Variants in SETD7 observed in about 807,000 individuals in gnomAD.
The protein encoded by SETD7 is SET domain containing 7, histone lysine methyltransferase, also known as histone-lysine N-methyltransferase SETD7.
In SETD7, 16 loss-of-function variants were observed where a neutral mutation model predicts 41.8. That is an observed-to-expected ratio of 0.38 (90% CI 0.26 to 0.58). The LOEUF (loss-of-function observed/expected upper bound fraction) is 0.58, where lower values mean the gene tolerates loss of function less well. Ranked by LOEUF, SETD7 falls within the 20% of genes least tolerant of loss-of-function variation. The probability of loss-of-function intolerance (pLI) is 0.64; values close to 1 mark genes in which losing one functional copy is unlikely to be tolerated. For synonymous variants in SETD7, 163 were observed against 169.7 expected (o/e 0.96, Z 0.31); for missense variants, 346 against 459.7 (o/e 0.75, Z 2.26).
chr4:139,511,506 T>G lies in SETD7; in HGVS notation c.*157A>C, dbSNP rs992364353. 1 of 1,396,478 alleles carries G rather than the reference T, an allele frequency of 7.2e-7. No individual in the cohort carries two copies. 86.5% of individuals were successfully genotyped at this position (1,396,478 alleles called of 1,614,324 possible). On this transcript the variant is annotated 3_prime_UTR_variant, in exon 8 of 8. Coordinates refer to ENST00000274031, the MANE Select transcript of SETD7 (RefSeq NM_030648.4). ...TTTAAATCTGGTATGAGTAATACAG[T>G]CAAACCTAGTTAGTATGCGAGAAAG... is the stretch of plus-strand genomic sequence containing the variant.
chr4:139,540,733 T>G lies in SETD7; in HGVS notation c.170+6187A>C, dbSNP rs181209758. Among the ~76,000 whole-genome samples, 6 of 152,344 alleles carry G rather than the reference T, an allele frequency of 3.9e-5. No homozygotes were observed. The East Asian group carries it at 1.2e-3, about 29-fold the overall frequency. On this transcript the variant is annotated intron_variant, in intron 2 of 7. Transcript: ENST00000274031. ...AAAAATTTTTGGCCTCAATCAGAAC[T>G]GTTTGTTGGAATACAGATGAATATA...
chr4:139,495,436 G>A (rs1726435890), downstream of SETD7, among the ~76,000 whole-genome samples: 1 of 152,204 alleles, frequency 6.6e-6, no homozygotes, highest in Non-Finnish European at 1.5e-5. Context: ...TACTACCGGA[G>A]GCTGGGTAAT....
chr4:139,515,206 C>G (rs1034145766), intron 7 of SETD7, among the ~76,000 whole-genome samples: 5 of 148,728 alleles, frequency 3.4e-5, no homozygotes, highest in Non-Finnish European at 5.9e-5. Context: ...ATATCAATAC[C>G]AATGATTTTT....
intron 7 of SETD7, among the ~76,000 whole-genome samples, chr4:139,515,907 A>C (rs1731667506): frequency 6.6e-6 from 1 of 152,242 alleles, no homozygotes; most frequent in African/African-American, 2.4e-5. Context: ...CAGGCAGCTC[A>C]CTGGCTCCCA....
At chr4:139,537,339 G>A (rs1165362688) in intron 2 of SETD7, among the ~76,000 whole-genome samples, 1 of 152,164 alleles carries the variant, frequency 6.6e-6, no homozygotes, top group Non-Finnish European at 1.5e-5. Context: ...TTAATATCGG[G>A]TCATATTTGA....
intron 2 of SETD7, chr4:139,546,609 CA>C (rs1727955963): frequency 2.6e-6 from 1 of 383,976 alleles, no homozygotes; most frequent in African/African-American, 2.1e-5. Flanking sequence ...CCGGAATGAT[CA>C]AGTGAAATCC....
At chr4:139,546,219 A>C (rs1226595400) in intron 2 of SETD7, 1 of 154,542 alleles carries the variant, frequency 6.5e-6, no homozygotes, top group Non-Finnish European at 1.4e-5. Context: ...AAATTATCAC[A>C]CAAAAAGACC....
intron 7 of SETD7, among the ~76,000 whole-genome samples, chr4:139,500,896 C>T (rs775086186): frequency 1.3e-5 from 2 of 152,178 alleles, no homozygotes; most frequent in Non-Finnish European, 2.9e-5. Flanking sequence ...TCTTCTCTCC[C>T]CACTGGCCGG....
In SETD7 at chr4:139,556,190, C is replaced by T; in HGVS notation, c.-53G>A. 6.4e-7 allele frequency: 1 copy of T among 1,554,382 alleles called. No individual in the cohort carries two copies. Among genetic ancestry groups the T allele is most frequent in the Non-Finnish European group, 8.7e-7 (1 of 1,149,210 alleles). Reference sequence around the variant, plus strand: ...GGCTGCGCGGCTGCCTCCCGTCCCTCTGGGTGCTCCCGGCGGCTGAGCGAG... The same window carrying T: ...GGCTGCGCGGCTGCCTCCCGTCCCTTTGGGTGCTCCCGGCGGCTGAGCGAG... On this transcript the variant is annotated 5_prime_UTR_variant, in exon 1 of 8. Coordinates refer to ENST00000274031, the MANE Select transcript of SETD7 (RefSeq NM_030648.4).
At chr4:139,532,977 C>A in intron 3 of SETD7, 188 bp downstream of exon 3, 2 of 598,380 alleles carry the variant, frequency 3.3e-6, no homozygotes. Flanking sequence ...ATAACGGATT[C>A]AAGGGCCAAC....
At chr4:139,547,989 T>C (rs928619297) in intron 1 of SETD7, 1 of 152,216 alleles carries the variant, frequency 6.6e-6, no homozygotes, top group Non-Finnish European at 1.5e-5. Context: ...TTTATTACTA[T>C]CTACATGTTT....
chr4:139,515,388 T>C (rs987806303), intron 7 of SETD7, among the ~76,000 whole-genome samples: 3 of 152,192 alleles, frequency 2.0e-5, no homozygotes, highest in Non-Finnish European at 2.9e-5. Context: ...GGACTTGGTT[T>C]TGTACAAATG....
In SETD7 at chr4:139,547,198, A is replaced by G. The variant is rs1727985496; in HGVS notation, c.41-149T>C. ...CCCTCCCTGGAAAGAAAGGGTAGTC[A>G]GCGTGCAAAAGTTTCTCACCTCATC... On this transcript the variant is annotated intron_variant, in intron 1 of 7. Transcript: ENST00000274031. 4.2e-6 allele frequency: 4 copies of G among 949,340 alleles called. No individual in the cohort carries two copies. In the African/African-American group the frequency reaches 6.6e-5, roughly 16 times the overall value. 58.8% of individuals were successfully genotyped at this position (949,340 alleles called of 1,614,324 possible).
rs115498074 is a variant in SETD7 at position 139,551,524 on chromosome 4, A to C, written c.41-4475T>G. On this transcript the variant is annotated intron_variant, in intron 1 of 7. Transcript: ENST00000274031. ...CTGAGGGAGCTTCTTCCTGAATCTG[A>C]TAAGAGCCAGGCCTATATTCTAAGC... is the stretch of plus-strand genomic sequence containing the variant. 5.0e-3 allele frequency among the ~76,000 whole-genome samples: 763 copies of C among 152,330 alleles called. 4 individuals are homozygous for C. The highest frequency in any genetic ancestry group is 9.0e-3 in the Admixed American group (138 of 15,292).
Position 139,517,857 on chromosome 4 carries a change from C to G in SETD7, c.920+28G>C, listed in dbSNP as rs759170261. ...GTCTCAGGGCCCTGAGGCATAGATC[C>G]GCCCCAGCAGCTCTGGGTAATACTT... On this transcript the variant is annotated intron_variant, in intron 7 of 7. Coordinates refer to ENST00000274031, the MANE Select transcript of SETD7 (RefSeq NM_030648.4). 19 of 1,596,300 alleles carry G rather than the reference C, an allele frequency of 1.2e-5. No homozygotes were observed. In the Middle Eastern group the frequency reaches 6.9e-4, roughly 58 times the overall value.
downstream of SETD7, among the ~76,000 whole-genome samples, chr4:139,495,712 T>C (rs1216556845): frequency 6.6e-6 from 1 of 152,158 alleles, no homozygotes; most frequent in Non-Finnish European, 1.5e-5. Context: ...GGAATTACAA[T>C]TCAAGATGAG....
intron 7 of SETD7, among the ~76,000 whole-genome samples, chr4:139,498,172 T>C (rs1184120586): frequency 1.3e-5 from 2 of 152,230 alleles, no homozygotes; most frequent in African/African-American, 4.8e-5. Flanking sequence ...CTTTTAATGC[T>C]GACTCTTTGA....
chr4:139,550,790 T>C (rs1728088803), intron 1 of SETD7, among the ~76,000 whole-genome samples: 1 of 152,244 alleles, frequency 6.6e-6, no homozygotes, highest in South Asian at 2.1e-4. Flanking sequence ...ATGAATCTAC[T>C]ATGATCGGCA....
chr4:139,520,947 G>T (rs1443549284), intron 5 of SETD7, among the ~76,000 whole-genome samples: 1 of 152,208 alleles, frequency 6.6e-6, no homozygotes, highest in African/African-American at 2.4e-5. Context: ...TCTGGCTGCT[G>T]CTCATTTTTG....
Sources: allele counts gnomAD v4.1 joint callset (sites outside exome capture counted in the v4.1 genomes callset), GRCh38; gene constraint gnomAD v4.1.1; transcripts MANE v1.5; gene names NCBI Gene and HGNC (gene_info 2026-07-23, HGNC 2026-07-21).